The following SIGLEC15 variants were observed in gnomAD, a reference collection of about 807,000 sequenced individuals.
SIGLEC15 encodes the protein sialic acid binding Ig like lectin 15, also known as sialic acid-binding Ig-like lectin 15.
A neutral mutation model predicts 26.2 loss-of-function variants in SIGLEC15; 31 were observed. The observed-to-expected ratio is 1.18, with a 90% CI of 0.89 to 1.60. The LOEUF (loss-of-function observed/expected upper bound fraction) is 1.60, where lower values mean the gene tolerates loss of function less well. Ranked by LOEUF, SIGLEC15 falls within the 40% of genes most tolerant of loss-of-function variation. The pLI, the probability that SIGLEC15 is intolerant of heterozygous loss-of-function variation, is 0.00. For synonymous variants in SIGLEC15, 207 were observed against 221.9 expected (o/e 0.93, Z 0.60); for missense variants, 501 against 488.4 (o/e 1.03, Z -0.24).
chr18:45,832,376 A>T (rs1253398123), intron 1 of SIGLEC15, among the ~76,000 whole-genome samples: 1 of 133,044 alleles, frequency 7.5e-6, no homozygotes. Flanking sequence ...ATCACCCAGT[A>T]AGTGAAGGAG....
chr18:45,839,728 C>T (rs1429235062), intron 4 of SIGLEC15, among the ~76,000 whole-genome samples: 1 of 152,198 alleles, frequency 6.6e-6, no homozygotes, highest in Non-Finnish European at 1.5e-5. Context: ...CTCTTCCTAG[C>T]AGAGATCATG....
chr18:45,833,583 AATTACAGGCATGAGCCACCACGCCC>A (rs2145048284), intron 1 of SIGLEC15, among the ~76,000 whole-genome samples: 1 of 152,264 alleles, frequency 6.6e-6, no homozygotes, highest in East Asian at 1.9e-4. Flanking sequence ...AAAGTGCTGG[AATTACAGGCATGAGCCACCACGCCC>A]GGCCTCTTGT....
At chr18:45,842,042 T>A in intron 5 of SIGLEC15, 64 bp from the exon 6 acceptor site, 1 of 1,464,092 alleles carries the variant, frequency 6.8e-7, no homozygotes, top group African/African-American at 1.4e-5. Flanking sequence ...TGCTGGCATA[T>A]AGTTTGGGCA....
rs1384518860 is a variant in SIGLEC15, at chr18:45,842,388, A to C, written c.*201A>C. On this transcript the variant is annotated 3_prime_UTR_variant, in exon 6 of 6. Coordinates refer to ENST00000389474, the MANE Select transcript of SIGLEC15 (RefSeq NM_213602.3). ...TGGACAACCATTTCGGAGCTCCCTG[A>C]TATTTTTGCCAGCATTTCGTAAATG... 1 of 591,138 alleles carries C rather than the reference A, an allele frequency of 1.7e-6. No homozygotes were observed. The highest frequency in any genetic ancestry group is 2.8e-5 in the East Asian group (1 of 35,492). The allele number at this position is 591,138 out of a possible 1,614,324, so 36.6% of individuals were successfully genotyped here.
At chr18:45,838,068 G>A (rs1302356968) in intron 3 of SIGLEC15, among the ~76,000 whole-genome samples, 172 bp downstream of exon 3, 1 of 152,218 alleles carries the variant, frequency 6.6e-6, no homozygotes, top group East Asian at 1.9e-4. Flanking sequence ...GACCACCTGG[G>A]AGCTTGACAC....
At chr18:45,827,060 G>A (rs1056822708) in intron 1 of SIGLEC15, among the ~76,000 whole-genome samples, 31 of 152,174 alleles carry the variant, frequency 2.0e-4, no homozygotes, top group Admixed American at 1.7e-3. Flanking sequence ...GATTACAAGT[G>A]TGTGCCACCA....
chr18:45,838,560 T>C (rs990642583), intron 3 of SIGLEC15, 158 bp from the exon 4 acceptor site: 1 of 920,072 alleles, frequency 1.1e-6, no homozygotes, highest in South Asian at 1.9e-5. Context: ...GATGATAGAA[T>C]CTTTCGCCCA....
intron 1 of SIGLEC15, among the ~76,000 whole-genome samples, chr18:45,827,478 G>T (rs1481604713): frequency 6.6e-6 from 1 of 152,214 alleles, no homozygotes; most frequent in Non-Finnish European, 1.5e-5. Context: ...CTGAGACAGT[G>T]GCCAGACCCA....
intron 1 of SIGLEC15, among the ~76,000 whole-genome samples, chr18:45,832,549 T>C (rs968115564): frequency 6.6e-6 from 1 of 152,210 alleles, no homozygotes; most frequent in African/African-American, 2.4e-5. Flanking sequence ...AATTGCCACC[T>C]AGGTCCAGCT....
chr18:45,841,600 C>T (rs1303453330), intron 5 of SIGLEC15, among the ~76,000 whole-genome samples: 1 of 152,202 alleles, frequency 6.6e-6, no homozygotes, highest in African/African-American at 2.4e-5. Flanking sequence ...AGACGGGAGG[C>T]AGGGCTTGCC....
Position 45,839,039 on chromosome 18 carries a change from T to A in SIGLEC15, c.818T>A (p.Phe273Tyr). ...TVALLLGALG[F>Y]KALLLLGVLA... ...GCCCTCCTGCTCGGCGCTCTCGGCT[T>A]CAAGGCGCTGCTGCTGCTCGGGGTC... Residue 273 changes from phenylalanine (F) to tyrosine (Y), a missense_variant, in exon 4 of 6, where the codon TTC (phenylalanine) becomes TAC (tyrosine). Coordinates refer to ENST00000389474, the MANE Select transcript of SIGLEC15 (RefSeq NM_213602.3). The A allele has an allele frequency of 6.4e-7, 1 of 1,553,524 alleles. No homozygotes were observed. Among genetic ancestry groups the A allele is most frequent in the Non-Finnish European group, 8.6e-7 (1 of 1,160,164 alleles).
At position 45,837,886 on chromosome 18, in the gene SIGLEC15, G is replaced by T; in HGVS notation, c.486G>T (p.Leu162=). 1 of 1,523,212 alleles carries T rather than the reference G, an allele frequency of 6.6e-7. No individual in the cohort carries two copies. The highest frequency in any genetic ancestry group is 1.2e-5 in the South Asian group (1 of 82,746). 94.4% of individuals were successfully genotyped at this position (1,523,212 alleles called of 1,614,324 possible). ...ACGAGAGCCGCCACGGCGTCCGGCT[G>T]CACGTGACAGGCGAGGCGGCGTGGG... ...DRYESRHGVR[L]HVTAAPRIVN... The change falls in exon 3 of 6, where the codon CTG becomes CTT. Residue 162 remains leucine, a synonymous_variant. Coordinates refer to ENST00000389474, the MANE Select transcript of SIGLEC15 (RefSeq NM_213602.3).
intron 1 of SIGLEC15, among the ~76,000 whole-genome samples, chr18:45,831,995 G>A (rs2048239521): frequency 6.6e-6 from 1 of 152,328 alleles, no homozygotes; most frequent in South Asian, 2.1e-4. Context: ...GCCTCCCAAA[G>A]TGCTGGGATT....
At chr18:45,836,436 C>T (rs2048276741) in intron 1 of SIGLEC15, among the ~76,000 whole-genome samples, 1 of 152,058 alleles carries the variant, frequency 6.6e-6, no homozygotes, top group Admixed American at 6.5e-5. Flanking sequence ...TAGAAGCCTG[C>T]CCTTTCTCCT....
intron 1 of SIGLEC15, among the ~76,000 whole-genome samples, chr18:45,826,369 A>C (rs1365955941): frequency 6.6e-6 from 1 of 152,168 alleles, no homozygotes; most frequent in Admixed American, 6.5e-5. Flanking sequence ...AGTGTTTCAA[A>C]AGGCACAGGG....
At chr18:45,837,146 G>T in intron 2 of SIGLEC15, 58 bp downstream of exon 2, 1 of 1,601,580 alleles carries the variant, frequency 6.2e-7, no homozygotes, top group South Asian at 1.1e-5. Context: ...TTTTAACCAC[G>T]AGATCCCAGG....
intron 1 of SIGLEC15, among the ~76,000 whole-genome samples, chr18:45,835,077 AG>A (rs1404968441): frequency 6.6e-6 from 1 of 152,162 alleles, no homozygotes; most frequent in African/African-American, 2.4e-5. Flanking sequence ...ACATTTGTCC[AG>A]AAAAAAAAAA....
chr18:45,838,256 GAC>G (rs1211124534), intron 3 of SIGLEC15, among the ~76,000 whole-genome samples: 1 of 152,186 alleles, frequency 6.6e-6, no homozygotes, highest in African/African-American at 2.4e-5. Context: ...AGCCCGGAAA[GAC>G]ACTCGCAGCC....
At chr18:45,829,053 A>C (rs1001806581) in intron 1 of SIGLEC15, 60 of 980,560 alleles carry the variant, frequency 6.1e-5, no homozygotes, top group Non-Finnish European at 6.9e-5. Context: ...AGGGATCACT[A>C]TGGAGGCTGG....
Sources: allele counts gnomAD v4.1 joint callset (sites outside exome capture counted in the v4.1 genomes callset), GRCh38; gene constraint gnomAD v4.1.1; transcripts MANE v1.5; gene names NCBI Gene and HGNC (gene_info 2026-07-23, HGNC 2026-07-21).